RBFOX1: variants seen among roughly 807,000 people sequenced by gnomAD.
RBFOX1 encodes RNA binding fox-1 homolog 1, also known as RNA binding protein fox-1 homolog 1.
A neutral mutation model predicts 57.7 loss-of-function variants in RBFOX1; 8 were observed. That is an observed-to-expected ratio of 0.14 (90% CI 0.08 to 0.25). The LOEUF (loss-of-function observed/expected upper bound fraction) is 0.25. RBFOX1 is among the 10% of genes least tolerant of loss of function. The pLI, the probability that RBFOX1 is intolerant of heterozygous loss-of-function variation, is 1.00. For synonymous variants in RBFOX1, 326 were observed against 222.4 expected, an observed-to-expected ratio of 1.47 and a Z score of -4.15; for missense variants, 611 against 548.5, an observed-to-expected ratio of 1.11 and a Z score of -1.14.
At chr16:7,601,418 T>C (rs995908872) in intron 9 of RBFOX1, among the ~76,000 whole-genome samples, 15 of 152,226 alleles carry the variant, frequency 9.9e-5, no homozygotes, top group African/African-American at 3.6e-4. Flanking sequence ...ATAGTTTCAA[T>C]ATTAAGTCAT....
At chr16:7,691,675 A>C (rs2077370294) in intron 14 of RBFOX1, among the ~76,000 whole-genome samples, 1 of 152,178 alleles carries the variant, frequency 6.6e-6, no homozygotes, top group African/African-American at 2.4e-5. Context: ...TCACAATTTT[A>C]CATCTGTTTT....
At chr16:5,241,233 C>T (rs1260240017) in intron 1 of RBFOX1, among the ~76,000 whole-genome samples, 1 of 152,184 alleles carries the variant, frequency 6.6e-6, no homozygotes, top group African/African-American at 2.4e-5. Context: ...CTCATCTCCC[C>T]GTGCACGTTA....
At chr16:7,578,969 A>T (rs2093545355) in intron 5 of RBFOX1, among the ~76,000 whole-genome samples, 1 of 152,186 alleles carries the variant, frequency 6.6e-6, no homozygotes, top group Admixed American at 6.5e-5. Context: ...AGTTATGCTG[A>T]TGATGTTACA....
chr16:6,602,634 C>G (rs1448439621), intron 2 of RBFOX1, among the ~76,000 whole-genome samples: 1 of 152,154 alleles, frequency 6.6e-6, no homozygotes, highest in African/African-American at 2.4e-5. Context: ...TTCCATTTGG[C>G]TCATCTCCAA....
At chr16:6,068,133 T>C (rs916971094) in intron 1 of RBFOX1, among the ~76,000 whole-genome samples, 3 of 152,122 alleles carry the variant, frequency 2.0e-5, no homozygotes, top group Non-Finnish European at 4.4e-5. Flanking sequence ...TAAGGAAACA[T>C]GGTTCTGTAG....
chr16:5,670,911 A>T (rs1463417732), intron 3 of RBFOX1, among the ~76,000 whole-genome samples: 1 of 152,210 alleles, frequency 6.6e-6, no homozygotes, highest in Non-Finnish European at 1.5e-5. Context: ...TATAAGCTCC[A>T]CTTTGCAGAT....
intron 1 of RBFOX1, among the ~76,000 whole-genome samples, chr16:5,452,505 T>C (rs1307876139): frequency 2.6e-5 from 4 of 152,118 alleles, no homozygotes; most frequent in Non-Finnish European, 5.9e-5. Context: ...TCTCCTTTCA[T>C]TCCCACTGCC....
chr16:6,791,440 T>A (rs2082920921), intron 3 of RBFOX1, among the ~76,000 whole-genome samples: 1 of 152,192 alleles, frequency 6.6e-6, no homozygotes, highest in East Asian at 1.9e-4. Flanking sequence ...TCCTAAAAAA[T>A]TGTAAAGAAC....
At chr16:7,093,552 G>A (rs1490531748) in intron 4 of RBFOX1, among the ~76,000 whole-genome samples, 1 of 152,190 alleles carries the variant, frequency 6.6e-6, no homozygotes, top group Non-Finnish European at 1.5e-5. Flanking sequence ...GCAGAGGAAT[G>A]ATGATGGACC....
intron 3 of RBFOX1, among the ~76,000 whole-genome samples, chr16:5,801,391 A>T: frequency 6.6e-6 from 1 of 151,434 alleles, no homozygotes. Context: ...TCTGCATTAA[A>T]ACAGCTGGAA....
chr16:6,658,885 A>G (rs1490145475), intron 3 of RBFOX1, among the ~76,000 whole-genome samples: 1 of 151,420 alleles, frequency 6.6e-6, no homozygotes, highest in Non-Finnish European at 1.5e-5. Context: ...TTCACCCTTT[A>G]ATAGGAAGCA....
At chr16:7,280,725 A>G (rs1365193703) in intron 4 of RBFOX1, among the ~76,000 whole-genome samples, 1 of 152,108 alleles carries the variant, frequency 6.6e-6, no homozygotes, top group African/African-American at 2.4e-5. Context: ...CATTGATATG[A>G]GTTTTATCCA....
chr16:6,237,957 G>A (rs1598677296), intron 1 of RBFOX1, among the ~76,000 whole-genome samples: 2 of 151,862 alleles, frequency 1.3e-5, no homozygotes, highest in Admixed American at 1.3e-4. Flanking sequence ...CGGGCGTGGT[G>A]ATGCGTGCCT....
At chr16:7,532,324 G>A (rs2080301126) in intron 5 of RBFOX1, among the ~76,000 whole-genome samples, 1 of 152,112 alleles carries the variant, frequency 6.6e-6, no homozygotes, top group African/African-American at 2.4e-5. Context: ...AGAGACAACA[G>A]TGGGTGGCGC....
At chr16:6,084,785 GC>G (rs869064859) in intron 1 of RBFOX1, among the ~76,000 whole-genome samples, 5 of 121,914 alleles carry the variant, frequency 4.1e-5, no homozygotes, top group Non-Finnish European at 1.0e-4. Flanking sequence ...CTTATGTTTT[GC>G]AGGACAAACG....
At chr16:5,604,216 G>C (rs74352015), downstream of RBFOX1, among the ~76,000 whole-genome samples, 5,666 of 152,186 alleles carry the variant, frequency 0.037, 246 homozygotes, top group African/African-American at 0.11. Context: ...TTTTTTATGC[G>C]TGCTTAAGAG....
At chr16:6,042,578 G>A (rs921939190) in intron 1 of RBFOX1, among the ~76,000 whole-genome samples, 5 of 152,064 alleles carry the variant, frequency 3.3e-5, no homozygotes, top group African/African-American at 1.2e-4. Flanking sequence ...AGATCTTTGG[G>A]AATGTTGATT....
chr16:5,930,362 G>T (rs923237118), intron 4 of RBFOX1, among the ~76,000 whole-genome samples: 2 of 139,062 alleles, frequency 1.4e-5, no homozygotes, highest in African/African-American at 2.7e-5. Context: ...GGATGGATGG[G>T]AGGGTGGATG....
At chr16:6,378,405 T>G (rs2091441802) in intron 2 of RBFOX1, among the ~76,000 whole-genome samples, 1 of 152,174 alleles carries the variant, frequency 6.6e-6, no homozygotes, top group Non-Finnish European at 1.5e-5. Context: ...TGCACTAGCC[T>G]GTCAGCATGC....
Sources: allele counts gnomAD v4.1 joint callset (sites outside exome capture counted in the v4.1 genomes callset), GRCh38; gene constraint gnomAD v4.1.1; transcripts MANE v1.5; gene names NCBI Gene and HGNC (gene_info 2026-07-23, HGNC 2026-07-21).